CDK5RAP2: variants seen among roughly 807,000 people sequenced by gnomAD.
CDK5RAP2 encodes CDK5 regulatory subunit associated protein 2.
In CDK5RAP2, 147 loss-of-function variants were observed where a neutral mutation model predicts 232.9. That is an observed-to-expected ratio of 0.63 (90% confidence interval 0.55 to 0.72). CDK5RAP2 has a LOEUF of 0.72. Among genes scored for constraint, CDK5RAP2 ranks in the 30% least tolerant of loss-of-function variants. CDK5RAP2 has a pLI of 0.00. For synonymous variants in CDK5RAP2, 833 were observed against 833.7 expected (o/e 1.00, Z 0.01); for missense variants, 2,195 against 2,231.5 (o/e 0.98, Z 0.33).
At chr9:120,416,286 A>G (rs1387932346) in intron 27 of CDK5RAP2, among the ~76,000 whole-genome samples, 2 of 152,184 alleles carry the variant, frequency 1.3e-5, no homozygotes, top group African/African-American at 4.8e-5. Flanking sequence ...GCCTCTGACC[A>G]ACTGACTAAA....
At chr9:120,447,851 C>T (rs765790350) in intron 22 of CDK5RAP2, 44 bp downstream of exon 22, 1 of 1,355,896 alleles carries the variant, frequency 7.4e-7, no homozygotes, top group South Asian at 1.2e-5. Flanking sequence ...TTCTATCGAG[C>T]CGTTTGTCTA....
chr9:120,427,407 A>T lies in CDK5RAP2; in HGVS notation c.3956-4666T>A, dbSNP rs576786342. On this transcript the variant is annotated intron_variant, in intron 25 of 37. Coordinates refer to ENST00000349780, the MANE Select transcript of CDK5RAP2 (RefSeq NM_018249.6). Reference sequence around the variant, plus strand: ...TCATTTCATTCTCACAAACATCTCTATAAGACAGGTACTGCTCTCCCCCAT... The same window carrying T: ...TCATTTCATTCTCACAAACATCTCTTTAAGACAGGTACTGCTCTCCCCCAT... 2.0e-5 allele frequency among the ~76,000 whole-genome samples: 3 copies of T among 152,312 alleles called. No homozygotes were observed. In the East Asian group the frequency reaches 5.8e-4, roughly 29 times the overall value.
intron 18 of CDK5RAP2, among the ~76,000 whole-genome samples, chr9:120,467,427 A>G (rs2037442191): frequency 6.6e-6 from 1 of 152,176 alleles, no homozygotes; most frequent in Non-Finnish European, 1.5e-5. Flanking sequence ...AACCTGAGGA[A>G]GCCTGTGGAC....
rs61758368 is a variant in CDK5RAP2 at position 120,518,520 on chromosome 9, C to T, written c.1218G>A (p.Gln406=). ...TCTCCTGCTGCAAGTCACTCAGCTC[C>T]TGGGTGATCTTCTTAATGCTTCTAC... ...RLRRSIKKIT[Q]ELSDLQQERE... The change falls in exon 12 of 38, where the codon CAG becomes CAA. Residue 406 remains glutamine (Q), a synonymous_variant. Coordinates refer to ENST00000349780, the MANE Select transcript of CDK5RAP2 (RefSeq NM_018249.6). 1.2e-3 allele frequency: 1,963 copies of T among 1,613,766 alleles called. 1 individual carries two copies. Among genetic ancestry groups the T allele is most frequent in the Non-Finnish European group, 1.5e-3 (1,796 of 1,179,960 alleles).
rs1400990656 is a variant in CDK5RAP2, at chr9:120,409,336, C to T, written c.4415-20G>A. ...GTTTATCTGCAAACATAAAAAGGTGCCACTGAGAAGGGCCACCATTTGTTT... is the reference window on the plus strand; with the variant it reads ...GTTTATCTGCAAACATAAAAAGGTGTCACTGAGAAGGGCCACCATTTGTTT... On this transcript the variant is annotated intron_variant, in intron 29 of 37. Transcript: ENST00000349780. The T allele has an allele frequency of 1.3e-6, 2 of 1,551,310 alleles. No individual in the cohort carries two copies. The highest frequency in any genetic ancestry group is 1.4e-5 in the African/African-American group (1 of 73,482).
intron 12 of CDK5RAP2, among the ~76,000 whole-genome samples, chr9:120,491,949 T>C (rs2038930211): frequency 6.6e-6 from 1 of 152,196 alleles, no homozygotes; most frequent in Admixed American, 6.5e-5. Flanking sequence ...ATTTTCCATT[T>C]TTTTTACTTA....
chr9:120,519,788 AG>A (rs1395182050), intron 11 of CDK5RAP2, among the ~76,000 whole-genome samples: 1 of 152,234 alleles, frequency 6.6e-6, no homozygotes, highest in Non-Finnish European at 1.5e-5. Context: ...GCCATGTCCT[AG>A]TCCTGAATAA....
intron 35 of CDK5RAP2, among the ~76,000 whole-genome samples, chr9:120,399,151 C>G (rs150571468): frequency 6.6e-6 from 1 of 152,174 alleles, no homozygotes; most frequent in Admixed American, 6.5e-5. Context: ...GCACCAACCA[C>G]TCCTGGAATG....
chr9:120,420,744 T>C (rs2034517808), intron 26 of CDK5RAP2, among the ~76,000 whole-genome samples: 1 of 152,206 alleles, frequency 6.6e-6, no homozygotes, highest in Admixed American at 6.5e-5. Context: ...GCAAAGACTC[T>C]AAGGCTGCAA....
rs899447664 is a variant in CDK5RAP2 at position 120,555,220 on chromosome 9, C to T, written c.196-4318G>A. On this transcript the variant is annotated intron_variant, in intron 3 of 37. Transcript: ENST00000349780. ...AATCTTGGCTCACTGCAACTTCTGT[C>T]TCCCCGGTTCAAGTGATTCTCTTGC... 9.2e-5 allele frequency among the ~76,000 whole-genome samples: 14 copies of T among 152,256 alleles called. 1 individual carries two copies. The highest frequency in any genetic ancestry group is 6.8e-3 in the Middle Eastern group (2 of 294).
At chr9:120,531,868 G>C (rs1048436019) in intron 7 of CDK5RAP2, among the ~76,000 whole-genome samples, 37 of 152,208 alleles carry the variant, frequency 2.4e-4, no homozygotes, top group African/African-American at 8.7e-4. Flanking sequence ...AGAAAACCTG[G>C]AAAGAGGTGT....
chr9:120,537,625 A>G (rs1270881206), intron 6 of CDK5RAP2, among the ~76,000 whole-genome samples: 2 of 151,618 alleles, frequency 1.3e-5, no homozygotes, highest in African/African-American at 4.9e-5. Context: ...AGACTACCTG[A>G]TATTTACTGT....
chr9:120,519,477 G>T (rs1434797228), intron 11 of CDK5RAP2, among the ~76,000 whole-genome samples: 2 of 151,908 alleles, frequency 1.3e-5, no homozygotes, highest in African/African-American at 2.4e-5. Context: ...ATAGATTCGG[G>T]TATATGAAGA....
At chr9:120,392,441 T>C (rs893371332) in intron 36 of CDK5RAP2, among the ~76,000 whole-genome samples, 2 of 152,232 alleles carry the variant, frequency 1.3e-5, no homozygotes, top group African/African-American at 4.8e-5. Context: ...AGTTCTGTCC[T>C]TTTGACCGAC....
In CDK5RAP2 at chr9:120,453,516, G is replaced by T. The variant is rs1249841605; in HGVS notation, c.2733C>A (p.Asn911Lys). Residue 911 changes from asparagine to lysine, a missense_variant, in exon 21 of 38, where the codon AAC (asparagine) becomes AAA (lysine). Asn to Lys is a moderately conservative substitution (Grantham distance 94). Transcript: ENST00000349780. ...TALSAEHRPE[N>K]LHGVPGWQAA... Reference sequence around the variant, plus strand: ...CCTGCCACCCAGGCACCCCGTGCAGGTTCTCTGGCCGATGCTCTGCGCTGA... The same window carrying T: ...CCTGCCACCCAGGCACCCCGTGCAGTTTCTCTGGCCGATGCTCTGCGCTGA... 1 of 1,614,008 alleles carries T rather than the reference G, an allele frequency of 6.2e-7. No individual in the cohort carries two copies. The highest frequency in any genetic ancestry group is 1.7e-5 in the Admixed American group (1 of 60,032).
At chr9:120,490,280 T>C (rs1022469106) in intron 13 of CDK5RAP2, among the ~76,000 whole-genome samples, 2 of 152,194 alleles carry the variant, frequency 1.3e-5, no homozygotes, top group Admixed American at 6.5e-5. Context: ...CCCCCAATTG[T>C]CAGCATTTTT....
chr9:120,446,271 T>C (rs2036183160), intron 22 of CDK5RAP2, among the ~76,000 whole-genome samples: 1 of 152,138 alleles, frequency 6.6e-6, no homozygotes, highest in Non-Finnish European at 1.5e-5. Flanking sequence ...TTTTTTTTTT[T>C]GAGATGGAGT....
At chr9:120,448,643 C>A (rs1178825784) in intron 21 of CDK5RAP2, among the ~76,000 whole-genome samples, 1 of 152,196 alleles carries the variant, frequency 6.6e-6, no homozygotes, top group Non-Finnish European at 1.5e-5. Flanking sequence ...AAATTCTACT[C>A]TTCAGCTCCA....
At chr9:120,578,984 T>A (rs746390694) in intron 1 of CDK5RAP2, among the ~76,000 whole-genome samples, 3 of 152,102 alleles carry the variant, frequency 2.0e-5, no homozygotes, top group African/African-American at 4.8e-5. Flanking sequence ...ACAGTGCAGG[T>A]TCTCCGTCAG....
Sources: gnomAD v4.1 joint callset for allele counts (sites outside exome capture counted in the v4.1 genomes callset) on GRCh38, gnomAD v4.1.1 for gene constraint, MANE v1.5 for transcripts, NCBI Gene and HGNC (gene_info 2026-07-23, HGNC 2026-07-21) for gene names.